Variants in XCR1 observed in about 807,000 individuals in gnomAD.
XCR1 encodes the protein chemokine XC receptor 1.
For missense variants in XCR1, 356 were observed against 424.2 expected (o/e 0.84, Z 1.41); for synonymous variants, 187 against 188.5 (o/e 0.99, Z 0.06).
At chr3:46,029,855 T>C (rs1165537463), upstream of XCR1, among the ~76,000 whole-genome samples, 3 of 152,238 alleles carry the variant, frequency 2.0e-5, no homozygotes, top group Non-Finnish European at 4.4e-5. Context: ...CACATTGTTT[T>C]GTGGTTTTCA....
chr3:46,074,825 C>A (rs1698231216), intron 2 of XCR1, among the ~76,000 whole-genome samples: 1 of 152,016 alleles, frequency 6.6e-6, no homozygotes, highest in Non-Finnish European at 1.5e-5. Flanking sequence ...CCATGTTGTT[C>A]AAGAATCAAC....
At chr3:46,046,395 G>A (rs1207154191) in intron 5 of XCR1, among the ~76,000 whole-genome samples, 1 of 152,202 alleles carries the variant, frequency 6.6e-6, no homozygotes, top group Non-Finnish European at 1.5e-5. Context: ...TTCTCTAGAT[G>A]TCCCAGTAGA....
At chr3:46,027,155 C>A (rs1236893954) in intron 1 of XCR1, among the ~76,000 whole-genome samples, 1 of 152,162 alleles carries the variant, frequency 6.6e-6, no homozygotes, top group African/African-American at 2.4e-5. Context: ...CTTAAGCAAT[C>A]TGCCAGCCTT....
Position 46,022,080 on chromosome 3 carries a change from G to A in XCR1, c.-31-102C>T. 1.2e-5 allele frequency: 13 copies of A among 1,048,898 alleles called. No homozygotes were observed. The South Asian group carries it at 2.0e-4, about 17-fold the overall frequency. The allele number at this position is 1,048,898 out of a possible 1,614,324, so 65.0% of individuals were successfully genotyped here. On this transcript the variant is annotated intron_variant, in intron 1 of 1. Coordinates refer to ENST00000309285, the MANE Select transcript of XCR1 (RefSeq NM_001024644.2). ...TTGGAAAGGCCAAAGGGAGAGGATT[G>A]CTTGACCCCAGGAGTTTGAGACCAT...
rs773011428 is a variant in XCR1, at chr3:46,020,941, G to A, written c.*5C>T. The A allele has an allele frequency of 1.8e-5, 29 of 1,609,786 alleles. No individual in the cohort carries two copies. Among genetic ancestry groups the A allele is most frequent in the Non-Finnish European group, 2.1e-5 (25 of 1,177,936 alleles). ...TGCACCTGCGCCTGCACCGCCACAGGCCCCTCAGTAGAAGGAGGCGCCCTC... is the reference window on the plus strand; with the variant it reads ...TGCACCTGCGCCTGCACCGCCACAGACCCCTCAGTAGAAGGAGGCGCCCTC... On this transcript the variant is annotated 3_prime_UTR_variant, in exon 2 of 2. Transcript: ENST00000309285.
At chr3:46,071,871 G>C (rs563632157) in intron 3 of XCR1, among the ~76,000 whole-genome samples, 63 of 152,226 alleles carry the variant, frequency 4.1e-4, no homozygotes, top group Non-Finnish European at 7.4e-4. Context: ...ACGGTGGAAA[G>C]TTGAAAGCAT....
chr3:46,026,607 G>A (rs1375518477), intron 1 of XCR1, among the ~76,000 whole-genome samples: 5 of 149,614 alleles, frequency 3.3e-5, no homozygotes, highest in South Asian at 2.1e-4. Flanking sequence ...TTTTGAGATG[G>A]AGTCTCGTTC....
intron 4 of XCR1, among the ~76,000 whole-genome samples, chr3:46,060,303 A>C (rs1304087290): frequency 2.6e-5 from 4 of 152,178 alleles, no homozygotes; most frequent in Non-Finnish European, 4.4e-5. Context: ...AACCTGGGCC[A>C]TTAGCAGTTC....
Position 46,065,495 on chromosome 3 carries a change from G to T in XCR1, c.-183+1404C>A, listed in dbSNP as rs536014051. Among the ~76,000 whole-genome samples the T allele has an allele frequency of 3.9e-5, 6 of 152,324 alleles. No homozygotes were observed. In the East Asian group the frequency reaches 9.6e-4, roughly 24 times the overall value. On this transcript the variant is annotated intron_variant, in intron 4 of 5. Transcript: ENST00000683768. ...GCAGCTGAGCTGTTCTGGGCCACCT[G>T]CCAAATATCATATGATACTCCCTTG...
At chr3:46,049,095 G>C (rs1163350172) in intron 5 of XCR1, among the ~76,000 whole-genome samples, 1 of 152,162 alleles carries the variant, frequency 6.6e-6, no homozygotes, top group East Asian at 1.9e-4. Context: ...TCACCTGTTT[G>C]GCACATAACA....
chr3:46,076,507 G>A (rs1297192348), intron 2 of XCR1, among the ~76,000 whole-genome samples: 3 of 151,078 alleles, frequency 2.0e-5, no homozygotes, highest in Non-Finnish European at 4.4e-5. Flanking sequence ...GCAGAGTTGA[G>A]TGCTTTAGAT....
At chr3:46,054,161 G>T (rs1697806816) in intron 4 of XCR1, among the ~76,000 whole-genome samples, 1 of 152,136 alleles carries the variant, frequency 6.6e-6, no homozygotes, top group African/African-American at 2.4e-5. Flanking sequence ...GCCTCTAGTG[G>T]ACAAGGGCCC....
At chr3:46,056,814 C>A (rs939315789) in intron 4 of XCR1, among the ~76,000 whole-genome samples, 1 of 152,062 alleles carries the variant, frequency 6.6e-6, no homozygotes, top group Non-Finnish European at 1.5e-5. Flanking sequence ...GTTAAACAAA[C>A]ACCCATGTGT....
chr3:46,021,803 T>G lies in XCR1; in HGVS notation c.145A>C (p.Asn49His), dbSNP rs756288619. 8.1e-6 allele frequency: 13 copies of G among 1,613,946 alleles called. No homozygotes were observed. Among genetic ancestry groups the G allele is most frequent in the Non-Finnish European group, 1.0e-5 (12 of 1,180,028 alleles). Residue 49 changes from asparagine to histidine, a missense_variant, in exon 2 of 2, where the codon AAC becomes CAC. Asn to His is a moderately conservative substitution (Grantham distance 68). Transcript: ENST00000309285. The surrounding 1 kb of genome is among the most constrained non-coding windows in gnomAD (Gnocchi z 4.7). ...ACCAGGACCCACAGGACCAGGCTGT[T>G]GCCCACTAGGCTGAGGAGAAACACC... is the stretch of plus-strand genomic sequence containing the variant. ...CLVFLLSLVG[N>H]SLVLWVLVKY...
intron 4 of XCR1, among the ~76,000 whole-genome samples, chr3:46,065,525 C>T (rs772521199): frequency 3.9e-5 from 6 of 152,210 alleles, no homozygotes; most frequent in Admixed American, 6.5e-5. Flanking sequence ...CCCTTGATGT[C>T]GGGTGACAGT....
At chr3:46,022,011 T>C in intron 1 of XCR1, 33 bp from the exon 2 acceptor site, 2 of 1,535,902 alleles carry the variant, frequency 1.3e-6, no homozygotes, top group Non-Finnish European at 8.8e-7. Context: ...TTTAAAGCCA[T>C]GTGGTGGCTG....
chr3:46,032,644 AC>A (rs559050342), intron 5 of XCR1, among the ~76,000 whole-genome samples: 25 of 152,020 alleles, frequency 1.6e-4, no homozygotes, highest in African/African-American at 6.0e-4. Flanking sequence ...CAGAAAAGAG[AC>A]CCCCCAAAGA....
At chr3:46,073,398 C>G (rs1184358471) in intron 3 of XCR1, among the ~76,000 whole-genome samples, 1 of 152,004 alleles carries the variant, frequency 6.6e-6, no homozygotes, top group Non-Finnish European at 1.5e-5. Flanking sequence ...AGTTCCAGAC[C>G]AGCTTGGCCA....
At chr3:46,053,610 AAACTGAAGAAT>A (rs1250178911) in intron 5 of XCR1, among the ~76,000 whole-genome samples, 2 of 146,282 alleles carry the variant, frequency 1.4e-5, no homozygotes, top group African/African-American at 5.0e-5. Flanking sequence ...CAAGAGGAGA[AAACTGAAGAAT>A]AACTTTAAAA....
Sources: allele counts gnomAD v4.1 joint callset (sites outside exome capture counted in the v4.1 genomes callset), GRCh38; gene constraint gnomAD v4.1.1; non-coding constraint Gnocchi (gnomAD v3.1); transcripts MANE v1.5; gene names NCBI Gene and HGNC (gene_info 2026-07-23, HGNC 2026-07-21).